Variants in BMP4 observed in about 807,000 individuals in gnomAD.
The protein encoded by BMP4 is bone morphogenetic protein 2B.
A neutral mutation model predicts 29.6 loss-of-function variants in BMP4; 3 were observed. That is an observed-to-expected ratio of 0.10 (90% CI 0.05 to 0.26). The LOEUF is 0.26. BMP4 is among the 10% of genes least tolerant of loss of function. The pLI, the probability that BMP4 is intolerant of heterozygous loss-of-function variation, is 1.00. For synonymous variants in BMP4, 197 were observed against 213.2 expected (o/e 0.92, Z 0.66); for missense variants, 455 against 550.2 (o/e 0.83, Z 1.73).
chr14:53,951,833 G>A lies in BMP4; in HGVS notation c.370+20C>T, dbSNP rs374781046. On this transcript the variant is annotated intron_variant, in intron 3 of 3. Transcript: ENST00000245451. ...AGTCCCACCAGCCCTCCCCCACGCA[G>A]ACTGGGGGAAGAGACTGACCTTCGT... 1.1e-5 allele frequency: 18 copies of A among 1,598,214 alleles called. No individual in the cohort carries two copies. The African/African-American group carries it at 2.3e-4, about 20-fold the overall frequency.
chr14:53,953,044 G>A (rs1895530142), intron 2 of BMP4, among the ~76,000 whole-genome samples: 1 of 152,086 alleles, frequency 6.6e-6, no homozygotes, highest in African/African-American at 2.4e-5. Flanking sequence ...TAGCTCCCTC[G>A]CGCTCCCCTT....
At chr14:53,953,045 C>T (rs1477818898) in intron 2 of BMP4, among the ~76,000 whole-genome samples, 1 of 152,132 alleles carries the variant, frequency 6.6e-6, no homozygotes, top group Admixed American at 6.5e-5. Flanking sequence ...AGCTCCCTCG[C>T]GCTCCCCTTT....
intron 1 of BMP4, among the ~76,000 whole-genome samples, chr14:53,953,973 C>A (rs1257217082): frequency 6.6e-6 from 1 of 151,860 alleles, no homozygotes; most frequent in African/African-American, 2.4e-5. Flanking sequence ...CCCGCCACTT[C>A]CTCCCCAGGG....
At chr14:53,956,847 G>T (rs1566585899), upstream of BMP4, 2 of 394,394 alleles carry the variant, frequency 5.1e-6, no homozygotes, top group Non-Finnish European at 8.9e-6. Flanking sequence ...TCCCTCCCTC[G>T]CTTTCTTTCT....
chr14:53,952,009 G>C lies in BMP4; in HGVS notation c.214C>G (p.Gln72Glu). The C allele has an allele frequency of 6.2e-7, 1 of 1,613,968 alleles. No individual in the cohort carries two copies. Among genetic ancestry groups the C allele is most frequent in the Non-Finnish European group, 8.5e-7 (1 of 1,180,048 alleles). The change falls in exon 3 of 4, where the codon CAG becomes GAG. Residue 72 changes from glutamine (Q) to glutamate (E), a missense_variant. By Grantham distance (29) the Gln-to-Glu change is conservative. Around this residue, in one of 4 missense-constraint regions of BMP4, gnomAD observed 249 missense variants for 284.6 expected, o/e 0.87. Transcript: ENST00000245451. ...GGAATGACGGCACTCTTGCTAGGCT[G>C]CGGGCGGCGGCGCAGCCCAAACATC... ...LQMFGLRRRP[Q>E]PSKSAVIPDY...
At position 53,950,995 on chromosome 14, in the gene BMP4, G is replaced by A. The variant is rs1895377250; in HGVS notation, c.371-107C>T. ...GGTTGGGCAATGAATGGTGAATTCTGCTTATGCAGGGGAAACCTACTGGGG... is the reference window on the plus strand; with the variant it reads ...GGTTGGGCAATGAATGGTGAATTCTACTTATGCAGGGGAAACCTACTGGGG... On this transcript the variant is annotated intron_variant, in intron 3 of 3. Transcript: ENST00000245451. The surrounding 1 kb of genome is among the most constrained non-coding windows in gnomAD (Gnocchi z 5.4). 4 of 1,462,150 alleles carry A rather than the reference G, an allele frequency of 2.7e-6. No homozygotes were observed. In the Admixed American group the frequency reaches 6.7e-5, roughly 25 times the overall value. 90.6% of individuals were successfully genotyped at this position (1,462,150 alleles called of 1,614,324 possible). A position where few individuals can be genotyped will look rare whatever the true frequency, so the allele number is the denominator to read the frequency against.
At position 53,950,183 on chromosome 14, in the gene BMP4, G is replaced by A. The variant is rs760397289; in HGVS notation, c.1076C>T (p.Thr359Ile). ...LNSTNHAIVQTLVNSVNSSIP... is the reference protein window; with the variant it reads ...LNSTNHAIVQILVNSVNSSIP... ...ACTGGAATTGACAGAATTGACCAGG[G>A]TCTGCACAATGGCATGGTTGGTTGA... is the stretch of plus-strand genomic sequence containing the variant. Residue 359 changes from threonine to isoleucine, a missense_variant, in exon 4 of 4, where the codon ACC becomes ATC. This residue lies in a region of BMP4 where 48 missense variants were observed against 90.4 expected (regional missense o/e 0.53). Transcript: ENST00000245451. This position sits in a 1 kb window ranked among gnomAD's most constrained non-coding sequence, Gnocchi z 5.4. 2.8e-5 allele frequency: 45 copies of A among 1,614,106 alleles called. No individual in the cohort carries two copies. Among genetic ancestry groups the A allele is most frequent in the Non-Finnish European group, 3.6e-5 (43 of 1,180,052 alleles).
Position 53,950,673 on chromosome 14 carries a change from T to A in BMP4, c.586A>T (p.Ile196Phe). The change falls in exon 4 of 4, where the codon ATC (isoleucine) becomes TTC (phenylalanine). Residue 196 changes from isoleucine to phenylalanine, a missense_variant. Physicochemically the swap from Ile to Phe is conservative, Grantham distance 21 (BLOSUM62 0). Transcript: ENST00000245451. The surrounding 1 kb of genome is among the most constrained non-coding windows in gnomAD (Gnocchi z 5.4). ...AGTCTCGTGTCCAGTAGTCGTGTGATGAGGTGCCCAGGCACCACTTCTGCT... is the reference window on the plus strand; with the variant it reads ...AGTCTCGTGTCCAGTAGTCGTGTGAAGAGGTGCCCAGGCACCACTTCTGCT... The part of the protein sequence containing the change: ...PPAEVVPGHL[I>F]TRLLDTRLVH... 1 of 1,614,264 alleles carries A rather than the reference T, an allele frequency of 6.2e-7. No homozygotes were observed. The highest frequency in any genetic ancestry group is 8.5e-7 in the Non-Finnish European group (1 of 1,180,052).
chr14:53,952,550 T>C lies in BMP4; in HGVS notation c.-7-321A>G, dbSNP rs137878826. On this transcript the variant is annotated intron_variant, in intron 2 of 3. Coordinates refer to ENST00000245451, the MANE Select transcript of BMP4 (RefSeq NM_001202.6). ...TGCTATCTGGGCCATGATCTCAGCG[T>C]GGCTTCTTGAAGGATAAACAGTTAA... 1.9e-4 allele frequency among the ~76,000 whole-genome samples: 29 copies of C among 152,000 alleles called. No individual in the cohort carries two copies. The East Asian group carries it at 3.9e-3, about 20-fold the overall frequency.
chr14:53,952,343 G>C, intron 2 of BMP4, 114 bp from the exon 3 acceptor site: 1 of 1,300,110 alleles, frequency 7.7e-7, no homozygotes, highest in Non-Finnish European at 1.0e-6. Context: ...GGGCAAGATG[G>C]AAAGCAGGTC....
chr14:53,951,777 C>T (rs1432635043), intron 3 of BMP4, 76 bp downstream of exon 3: 4 of 1,562,872 alleles, frequency 2.6e-6, no homozygotes, highest in Non-Finnish European at 3.4e-6. Context: ...CCGAACTCTT[C>T]TTCCCCAGGG....
chr14:53,950,404 G>A lies in BMP4; in HGVS notation c.855C>T (p.Thr285=), dbSNP rs1319753678. 5 of 1,613,676 alleles carry A rather than the reference G, an allele frequency of 3.1e-6. No individual in the cohort carries two copies. Among genetic ancestry groups the A allele is most frequent in the Non-Finnish European group, 4.2e-6 (5 of 1,179,882 alleles). Residue 285 remains threonine (T), a synonymous_variant, in exon 4 of 4, where the codon ACC becomes ACT. Transcript: ENST00000245451. The surrounding 1 kb of genome is among the most constrained non-coding windows in gnomAD (Gnocchi z 5.4). The part of the protein sequence containing the change: ...FGHDGRGHAL[T]RRRRAKRSPK... ...GGCTACGCTTGGCCCTCCGGCGTCGGGTCAAGGCATGGCCCCGGCCATCAT... is the reference window on the plus strand; with the variant it reads ...GGCTACGCTTGGCCCTCCGGCGTCGAGTCAAGGCATGGCCCCGGCCATCAT...
At chr14:53,956,255 CCA>C (rs1399653834) in intron 1 of BMP4, among the ~76,000 whole-genome samples, 1 of 152,126 alleles carries the variant, frequency 6.6e-6, no homozygotes, top group Non-Finnish European at 1.5e-5. Context: ...GCCCAAGACC[CCA>C]CAGTTTTTCC....
chr14:53,953,873 G>A (rs1225936264), intron 1 of BMP4, among the ~76,000 whole-genome samples: 1 of 151,960 alleles, frequency 6.6e-6, no homozygotes, highest in African/African-American at 2.4e-5. Flanking sequence ...TCACCACCGA[G>A]AGGCACTTAA....
At position 53,952,038 on chromosome 14, in the gene BMP4, A is replaced by G; in HGVS notation, c.185T>C (p.Leu62Pro). 6.2e-7 allele frequency: 1 copy of G among 1,614,190 alleles called. No individual in the cohort carries two copies. The highest frequency in any genetic ancestry group is 8.5e-7 in the Non-Finnish European group (1 of 1,180,036). Residue 62 changes from leucine (L) to proline (P), a missense_variant, in exon 3 of 4, where the codon CTG becomes CCG. Leu to Pro is a moderately conservative substitution (Grantham distance 98, BLOSUM62 -3). This residue lies in a region of BMP4 where 249 missense variants were observed against 284.6 expected (regional missense o/e 0.87). Coordinates refer to ENST00000245451, the MANE Select transcript of BMP4 (RefSeq NM_001202.6). ...GCGGCGGCGCAGCCCAAACATCTGC[A>G]GAAGTGTCGCCTCGAAGTCCCGCAG... ...ELLRDFEATL[L>P]QMFGLRRRPQ...
intron 3 of BMP4, chr14:53,951,595 G>A (rs1895412185): frequency 8.3e-6 from 4 of 479,790 alleles, no homozygotes; most frequent in Non-Finnish European, 1.5e-5. Context: ...AAAAGGCTTT[G>A]ATATAGCAAA....
chr14:53,951,986 A>G lies in BMP4; in HGVS notation c.237T>C (p.Ile79=). The part of the protein sequence containing the change: ...RRPQPSKSAV[I]PDYMRDLYRL... ...GGTAAAGATCCCGCATGTAGTCCGG[A>G]ATGACGGCACTCTTGCTAGGCTGCG... The change falls in exon 3 of 4, where the codon ATT becomes ATC. Residue 79 remains isoleucine (I), a synonymous_variant. Coordinates refer to ENST00000245451, the MANE Select transcript of BMP4 (RefSeq NM_001202.6). 6.2e-7 allele frequency: 1 copy of G among 1,613,450 alleles called. No individual in the cohort carries two copies. Among genetic ancestry groups the G allele is most frequent in the South Asian group, 1.1e-5 (1 of 91,090 alleles).
Position 53,954,966 on chromosome 14 carries a change from T to C in BMP4, c.-132-1566A>G, listed in dbSNP as rs1270763285. Among the ~76,000 whole-genome samples, 1 of 152,084 alleles carries C rather than the reference T, an allele frequency of 6.6e-6. No homozygotes were observed. The highest frequency in any genetic ancestry group is 1.5e-5 in the Non-Finnish European group (1 of 68,010). The stretch of plus-strand genomic sequence containing the variant: ...GACTTTGAGGAAGAAAAGTAAAGGA[T>C]CGAACAGCTCAGCCCTCCCTCCCGA... On this transcript the variant is annotated intron_variant, in intron 1 of 3. Transcript: ENST00000245451. This position sits in a 1 kb window ranked among gnomAD's most constrained non-coding sequence, Gnocchi z 4.8.
At chr14:53,951,664 C>T in intron 3 of BMP4, 189 bp downstream of exon 3, 1 of 888,092 alleles carries the variant, frequency 1.1e-6, no homozygotes, top group Non-Finnish European at 1.7e-6. Flanking sequence ...CCCTGAACAC[C>T]TCCCCCTCTG....
Sources: allele counts gnomAD v4.1 joint callset (sites outside exome capture counted in the v4.1 genomes callset), GRCh38; gene constraint gnomAD v4.1.1; regional missense constraint gnomAD v4.1.1; non-coding constraint Gnocchi (gnomAD v3.1); transcripts MANE v1.5; gene names NCBI Gene and HGNC (gene_info 2026-07-23, HGNC 2026-07-21).